CRACR2B: variants seen among roughly 807,000 people sequenced by gnomAD.
The protein encoded by CRACR2B is EF-hand calcium-binding domain-containing protein 4A.
In CRACR2B, 50 loss-of-function variants were observed where a neutral mutation model predicts 46.0. The ratio of observed to expected loss-of-function variants is 1.09; its 90% CI spans 0.87 to 1.38. CRACR2B has a LOEUF of 1.38. Ranked by LOEUF, CRACR2B falls within the 40% of genes most tolerant of loss-of-function variation. The pLI, the probability that CRACR2B is intolerant of heterozygous loss-of-function variation, is 0.00. For missense variants in CRACR2B, 667 were observed against 535.0 expected (o/e 1.25, Z -2.43); for synonymous variants, 277 against 239.6 (o/e 1.16, Z -1.44).
chr11:829,791 C>A, intron 3 of CRACR2B, 195 bp from the exon 4 acceptor site: 4 of 1,177,534 alleles, frequency 3.4e-6, no homozygotes, highest in Non-Finnish European at 4.6e-6. Context: ...ACCGGCACTG[C>A]CCAGGGTACA....
intron 2 of CRACR2B, 94 bp from the exon 3 acceptor site, chr11:829,266 T>C: frequency 2.7e-6 from 4 of 1,497,688 alleles, no homozygotes; most frequent in Non-Finnish European, 3.6e-6. Flanking sequence ...AACTGGGCCC[T>C]GAGAGAGGGC....
intron 5 of CRACR2B, 110 bp downstream of exon 5, chr11:830,447 C>T: frequency 6.5e-7 from 1 of 1,536,456 alleles, no homozygotes; most frequent in Non-Finnish European, 8.7e-7. Context: ...CTCCGCGGGT[C>T]CAGGCTGCCC....
intron 7 of CRACR2B, 57 bp from the exon 8 acceptor site, chr11:831,167 G>T: frequency 6.2e-7 from 1 of 1,609,914 alleles, no homozygotes; most frequent in East Asian, 2.2e-5. Context: ...CTTCTAGGGG[G>T]TCCGGGGGCT....
At position 829,353 on chromosome 11, in the gene CRACR2B, C is replaced by T; in HGVS notation, c.278-7C>T. On this transcript the variant is annotated splice_region_variant and splice_polypyrimidine_tract_variant and intron_variant, in intron 2 of 8. Coordinates refer to ENST00000525077, the MANE Select transcript of CRACR2B (RefSeq NM_001286606.2). ...AGCCCTGGTAATCGCTCGCTCCATGCCCGCAGGGATGTTTGTGGGGGTGGC... is the reference window on the plus strand; with the variant it reads ...AGCCCTGGTAATCGCTCGCTCCATGTCCGCAGGGATGTTTGTGGGGGTGGC... 1.9e-6 allele frequency: 3 copies of T among 1,600,938 alleles called. No homozygotes were observed. The highest frequency in any genetic ancestry group is 1.7e-6 in the Non-Finnish European group (2 of 1,175,862).
Position 828,723 on chromosome 11 carries a change from T to C in CRACR2B, c.116T>C (p.Leu39Pro). 1 of 1,613,536 alleles carries C rather than the reference T, an allele frequency of 6.2e-7. No homozygotes were observed. The highest frequency in any genetic ancestry group is 1.3e-5 in the African/African-American group (1 of 75,044). The change falls in exon 1 of 9, where the codon CTG (leucine) becomes CCG (proline). Residue 39 changes from leucine (L) to proline (P), a missense_variant. Leu to Pro is a moderately conservative substitution (Grantham distance 98). Coordinates refer to ENST00000525077, the MANE Select transcript of CRACR2B (RefSeq NM_001286606.2). The stretch of plus-strand genomic sequence containing the variant: ...CTGGAGCAGGCTGAGGAGCTGTTTC[T>C]GCTGTGTGACAAGGAGGCTAAGGGC... Reference protein sequence around the residue: ...AILEQAEELFLLCDKEAKGFI... With the variant: ...AILEQAEELFPLCDKEAKGFI...
chr11:828,830 T>C, intron 1 of CRACR2B, 22 bp from the exon 2 acceptor site: 2 of 1,611,466 alleles, frequency 1.2e-6, no homozygotes, highest in Non-Finnish European at 1.7e-6. Flanking sequence ...GCGGCTCATC[T>C]CTGCTCTCCT....
upstream of CRACR2B, chr11:827,416 G>C (rs961599543): frequency 3.5e-5 from 15 of 422,646 alleles, no homozygotes; most frequent in East Asian, 1.7e-3. Context: ...TGAGCGTCTC[G>C]GTCGGGAACT....
rs753805018 is a variant in CRACR2B, at chr11:831,010, G to A, written c.931G>A (p.Gly311Ser). The A allele has an allele frequency of 1.5e-5, 23 of 1,533,954 alleles. No individual in the cohort carries two copies. The South Asian group carries it at 2.4e-4, about 16-fold the overall frequency. Residue 311 changes from glycine to serine, a missense_variant, in exon 7 of 9, where the codon GGC (glycine) becomes AGC (serine). Transcript: ENST00000525077. Reference protein sequence around the residue: ...QIRRLESEARGRQEQTQRDVV... With the variant: ...QIRRLESEARSRQEQTQRDVV... ...CCGCAGGCTGGAGAGCGAAGCACGA[G>A]GCCGCCAGGAGCAAACCCAACGGTG...
intron 2 of CRACR2B, 134 bp downstream of exon 2, chr11:829,097 G>A (rs1008580429): frequency 3.0e-6 from 4 of 1,333,952 alleles, no homozygotes; most frequent in East Asian, 2.5e-5. Context: ...TTGTCTGCAC[G>A]CACTCGCGCC....
intron 5 of CRACR2B, 108 bp downstream of exon 5, chr11:830,445 G>T (rs1311118501): frequency 1.3e-6 from 2 of 1,536,426 alleles, no homozygotes; most frequent in African/African-American, 1.4e-5. Flanking sequence ...ACCTCCGCGG[G>T]TCCAGGCTGC....
In CRACR2B at chr11:829,542, T is replaced by G. The variant is rs781229569; in HGVS notation, c.458+2T>G. 1 of 1,568,822 alleles carries G rather than the reference T, an allele frequency of 6.4e-7. No homozygotes were observed. Among genetic ancestry groups the G allele is most frequent in the Non-Finnish European group, 8.6e-7 (1 of 1,160,946 alleles). On this transcript the variant is annotated splice_donor_variant, in intron 3 of 8. Coordinates refer to ENST00000525077, the MANE Select transcript of CRACR2B (RefSeq NM_001286606.2). LOFTEE classifies it high-confidence loss of function. The stretch of plus-strand genomic sequence containing the variant: ...GGGGGTGGCCCCGGTCCTGGGCAAG[T>G]GAGTCGGCGCTGGCCCCGCTCCCAC...
intron 8 of CRACR2B, 77 bp downstream of exon 8, chr11:831,372 T>A: frequency 4.6e-6 from 7 of 1,531,360 alleles, no homozygotes; most frequent in Non-Finnish European, 6.1e-6. Flanking sequence ...CATTCTTGGC[T>A]GCCGCTCTAC....
chr11:830,649 G>T lies in CRACR2B; in HGVS notation c.722G>T (p.Arg241Leu), dbSNP rs370035860. The T allele has an allele frequency of 6.5e-7, 1 of 1,548,564 alleles. No homozygotes were observed. Among genetic ancestry groups the T allele is most frequent in the Non-Finnish European group, 8.7e-7 (1 of 1,146,558 alleles). ...QNFARGERRS[R>L]LELELQSREQ... ...TTCGCCCGCGGGGAGCGGAGAAGCC[G>T]TCTGGAGCTGGAGCTGCAGAGCCGC... Residue 241 changes from arginine to leucine, a missense_variant, in exon 6 of 9, where the codon CGT (arginine) becomes CTT (leucine). Coordinates refer to ENST00000525077, the MANE Select transcript of CRACR2B (RefSeq NM_001286606.2).
chr11:827,535 C>G, upstream of CRACR2B: 2 of 985,144 alleles, frequency 2.0e-6, no homozygotes, highest in Non-Finnish European at 2.4e-6. Flanking sequence ...CCCATCCTCC[C>G]ACCTCCCTGG....
intron 3 of CRACR2B, chr11:829,762 G>C: frequency 9.6e-7 from 1 of 1,037,354 alleles, no homozygotes; most frequent in South Asian, 1.7e-5. Context: ...GAGGGGCAGC[G>C]CCGGGCGCGG....
chr11:831,224 A>C lies in CRACR2B; in HGVS notation c.954A>C (p.Arg318=). The C allele has an allele frequency of 6.2e-7, 1 of 1,610,026 alleles. No individual in the cohort carries two copies. Among genetic ancestry groups the C allele is most frequent in the South Asian group, 1.1e-5 (1 of 91,010 alleles). ...CCGGGTCACCACCTCCCATCCACAG[A>C]GACGTGGTCGCCGTCTCCAGGAACA... is the stretch of plus-strand genomic sequence containing the variant. ...EARGRQEQTQ[R]DVVAVSRNMQ... Residue 318 remains arginine (R), a splice_region_variant and synonymous_variant, in exon 8 of 9, where the codon CGA becomes CGC. Coordinates refer to ENST00000525077, the MANE Select transcript of CRACR2B (RefSeq NM_001286606.2).
At chr11:826,605 ACT>A (rs565445163), upstream of CRACR2B, among the ~76,000 whole-genome samples, 88 of 152,246 alleles carry the variant, frequency 5.8e-4, no homozygotes, top group African/African-American at 2.0e-3. Context: ...CTCACTGCAA[ACT>A]CTGCCTCCCG....
At chr11:831,443 C>A in intron 8 of CRACR2B, 92 bp from the exon 9 acceptor site, 1 of 1,485,408 alleles carries the variant, frequency 6.7e-7, no homozygotes, top group Non-Finnish European at 9.0e-7. Context: ...CTCAGCCAGA[C>A]ACCTCTCTTC....
chr11:828,855 C>T lies in CRACR2B; in HGVS notation c.169C>T (p.Leu57Phe). 2 of 1,610,928 alleles carry T rather than the reference C, an allele frequency of 1.2e-6. No individual in the cohort carries two copies. Among genetic ancestry groups the T allele is most frequent in the Non-Finnish European group, 1.7e-6 (2 of 1,179,582 alleles). The change falls in exon 2 of 9, where the codon CTC becomes TTC. Residue 57 changes from leucine (L) to phenylalanine (F), a missense_variant. Transcript: ENST00000525077. ...GFITKHDLQG[L>F]QSDLPLTPEQ... ...TCTGCTCTCCTTCCCCGACCAGGGT[C>T]TCCAGAGCGACCTGCCCCTCACGCC...
Sources: gnomAD v4.1 joint callset for allele counts (sites outside exome capture counted in the v4.1 genomes callset) on GRCh38, gnomAD v4.1.1 for gene constraint, MANE v1.5 for transcripts, NCBI Gene and HGNC (gene_info 2026-07-23, HGNC 2026-07-21) for gene names.